Variants in ITSN1 observed in about 807,000 individuals in gnomAD.
The protein encoded by ITSN1 is intersectin 1.
Under a neutral mutation model 239.8 loss-of-function variants are expected in ITSN1, and 58 were observed. That is an observed-to-expected ratio of 0.24 (90% confidence interval 0.20 to 0.30). The LOEUF (loss-of-function observed/expected upper bound fraction) is 0.30, where lower values mean the gene tolerates loss of function less well. Ranked by LOEUF, ITSN1 falls within the 10% of genes least tolerant of loss-of-function variation. ITSN1 has a pLI of 1.00. For synonymous variants in ITSN1, 780 were observed against 770.8 expected, an observed-to-expected ratio of 1.01 and a Z score of -0.20; for missense variants, 1,558 against 2,103.3, an observed-to-expected ratio of 0.74 and a Z score of 5.07.
At position 33,889,777 on chromosome 21, in the gene ITSN1, A is replaced by G. The variant is rs1435565512; in HGVS notation, c.*1477A>G. ...ATCAAAGTGCTTTCTAAATGATAGC[A>G]TCAGCGTTGTGGCAGAGTACCTCCT... On this transcript the variant is annotated 3_prime_UTR_variant, in exon 40 of 40. Transcript: ENST00000381318. 1 of 152,210 alleles carries G rather than the reference A, an allele frequency of 6.6e-6. No homozygotes were observed. The highest frequency in any genetic ancestry group is 1.5e-5 in the Non-Finnish European group (1 of 68,046). 9.4% of individuals were successfully genotyped at this position (152,210 alleles called of 1,614,324 possible).
intron 29 of ITSN1, among the ~76,000 whole-genome samples, 196 bp from the exon 30 acceptor site, chr21:33,856,540 T>C (rs1192384618): frequency 6.6e-6 from 1 of 152,200 alleles, no homozygotes; most frequent in Non-Finnish European, 1.5e-5. Flanking sequence ...GAAAAGACTA[T>C]TTCCAAATAA....
At chr21:33,726,614 C>T (rs752737273) in intron 4 of ITSN1, among the ~76,000 whole-genome samples, 14 of 152,124 alleles carry the variant, frequency 9.2e-5, no homozygotes, top group South Asian at 2.1e-4. Flanking sequence ...AACAATCCTC[C>T]GGACTCAAAC....
At chr21:33,656,628 A>G (rs960968846) in intron 1 of ITSN1, among the ~76,000 whole-genome samples, 1 of 151,872 alleles carries the variant, frequency 6.6e-6, no homozygotes, top group Non-Finnish European at 1.5e-5. Flanking sequence ...CTCTACCTCC[A>G]GGGTTCAAAC....
chr21:33,750,176 C>T lies in ITSN1; in HGVS notation c.380C>T (p.Thr127Ile), dbSNP rs749601675. ...MGGIASMPPL[T>I]AVAPVPMGSI... The stretch of plus-strand genomic sequence containing the variant: ...GGTATCGCCAGCATGCCACCGCTTA[C>T]AGCTGTTGCTCCAGTGCCAATGGGA... The change falls in exon 6 of 40, where the codon ACA becomes ATA. Residue 127 changes from threonine to isoleucine, a missense_variant. Around this residue, in one of 2 missense-constraint regions of ITSN1, gnomAD observed 982 missense variants for 1,209.9 expected, o/e 0.81. Coordinates refer to ENST00000381318, the MANE Select transcript of ITSN1 (RefSeq NM_003024.3). 1.9e-6 allele frequency: 3 copies of T among 1,614,152 alleles called. No individual in the cohort carries two copies. The highest frequency in any genetic ancestry group is 4.5e-5 in the East Asian group (2 of 44,878).
At chr21:33,793,777 C>A (rs2071329293) in intron 16 of ITSN1, among the ~76,000 whole-genome samples, 1 of 152,120 alleles carries the variant, frequency 6.6e-6, no homozygotes, top group South Asian at 2.1e-4. Flanking sequence ...AGAAAAGATG[C>A]TCTGGAAGAG....
chr21:33,817,428 C>G, intron 22 of ITSN1: 2 of 1,304,460 alleles, frequency 1.5e-6, no homozygotes, highest in Non-Finnish European at 2.0e-6. Context: ...ATGCTGCCCC[C>G]TCTGTGAAAT....
At chr21:33,740,625 G>A (rs985633351) in intron 5 of ITSN1, among the ~76,000 whole-genome samples, 4 of 152,216 alleles carry the variant, frequency 2.6e-5, no homozygotes, top group African/African-American at 9.6e-5. Context: ...GAAGAGGGGA[G>A]AGAATTTCAA....
At chr21:33,821,744 C>G (rs1463866771) in intron 24 of ITSN1, among the ~76,000 whole-genome samples, 1 of 152,140 alleles carries the variant, frequency 6.6e-6, no homozygotes, top group Non-Finnish European at 1.5e-5. Flanking sequence ...GTTTCTTAAG[C>G]ATTTGGAAAG....
intron 24 of ITSN1, among the ~76,000 whole-genome samples, chr21:33,820,044 T>C (rs914756321): frequency 1.3e-5 from 2 of 152,088 alleles, no homozygotes; most frequent in Non-Finnish European, 2.9e-5. Flanking sequence ...AGAGTTCTCA[T>C]AGTAACATGA....
Position 33,810,975 on chromosome 21 carries a change from G to GTGGA in ITSN1, c.2323_2326dup (p.Glu776GlyfsTer2). On this transcript the variant is annotated frameshift_variant and splice_region_variant, in exon 21 of 40. Transcript: ENST00000381318. LOFTEE classifies it high-confidence loss of function. The stretch of plus-strand genomic sequence containing the variant: ...CTTAAAGCTGTGACTTTTTCCACAG[G>GTGGA]TGGATGAAAGCCAAACTGGAGAACC... The GTGGA allele has an allele frequency of 6.2e-7, 1 of 1,614,184 alleles. No homozygotes were observed. The highest frequency in any genetic ancestry group is 8.5e-7 in the Non-Finnish European group (1 of 1,180,042).
intron 1 of ITSN1, among the ~76,000 whole-genome samples, chr21:33,717,824 C>T (rs542607360): frequency 6.6e-6 from 1 of 152,162 alleles, no homozygotes; most frequent in Non-Finnish European, 1.5e-5. Context: ...GCCTTGGCCT[C>T]CCAAAGTTCT....
Position 33,689,764 on chromosome 21 carries a change from T to A in ITSN1, c.-32-29033T>A, listed in dbSNP as rs148162751. Among the ~76,000 whole-genome samples the A allele has an allele frequency of 8.6e-4, 131 of 152,098 alleles. No homozygotes were observed. In the East Asian group the frequency reaches 0.02, roughly 24 times the overall value. On this transcript the variant is annotated intron_variant, in intron 1 of 39. Transcript: ENST00000381318. ...CGGTGGATCACCTGAGGTCAGGAGT[T>A]CAAGACCAACCTGGCCAACATAGTG... is the stretch of plus-strand genomic sequence containing the variant.
Position 33,742,333 on chromosome 21 carries a change from G to A in ITSN1, c.346+7129G>A, listed in dbSNP as rs1000673949. 5.3e-5 allele frequency among the ~76,000 whole-genome samples: 8 copies of A among 152,190 alleles called. No homozygotes were observed. The East Asian group carries it at 7.7e-4, about 15-fold the overall frequency. On this transcript the variant is annotated intron_variant, in intron 5 of 39. Coordinates refer to ENST00000381318, the MANE Select transcript of ITSN1 (RefSeq NM_003024.3). Reference sequence around the variant, plus strand: ...GCCTCCCAAAGTGCTGGGATTACAGGCGTGAGCCACCGCGCCTGGCCCTAT... The same window carrying A: ...GCCTCCCAAAGTGCTGGGATTACAGACGTGAGCCACCGCGCCTGGCCCTAT...
intron 14 of ITSN1, among the ~76,000 whole-genome samples, chr21:33,781,216 G>A (rs550073095): frequency 4.5e-4 from 68 of 152,146 alleles, no homozygotes; most frequent in African/African-American, 1.5e-3. Flanking sequence ...ATAAATATCC[G>A]GTAAGTCAAC....
chr21:33,669,442 G>GTTT (rs34272483), intron 1 of ITSN1, among the ~76,000 whole-genome samples: 9 of 139,870 alleles, frequency 6.4e-5, no homozygotes, highest in Admixed American at 1.4e-4. Flanking sequence ...TTTCATTTAA[G>GTTT]TTTTTTTTTT....
At chr21:33,648,914 G>A (rs1242078568) in intron 1 of ITSN1, among the ~76,000 whole-genome samples, 1 of 151,830 alleles carries the variant, frequency 6.6e-6, no homozygotes, top group African/African-American at 2.4e-5. Flanking sequence ...AAAGAGGAGA[G>A]AGAGAAAAAT....
chr21:33,775,032 G>C lies in ITSN1; in HGVS notation c.1520G>C (p.Arg507Thr). 1 of 1,614,012 alleles carries C rather than the reference G, an allele frequency of 6.2e-7. No individual in the cohort carries two copies. The highest frequency in any genetic ancestry group is 8.5e-7 in the Non-Finnish European group (1 of 1,179,942). Residue 507 changes from arginine to threonine, a missense_variant, in exon 14 of 40, where the codon AGG becomes ACG. Arg to Thr is a moderately conservative substitution (Grantham distance 71, BLOSUM62 -1). Around this residue, in one of 2 missense-constraint regions of ITSN1, gnomAD observed 982 missense variants for 1,209.9 expected, o/e 0.81. Transcript: ENST00000381318. ...QDIRCRLTTQRQEIESTNKSR... is the reference protein window; with the variant it reads ...QDIRCRLTTQTQEIESTNKSR... ...ATCAGATGTCGATTGACCACCCAAA[G>C]GCAAGAAATTGAGAGCACAAACAAA...
intron 8 of ITSN1, among the ~76,000 whole-genome samples, chr21:33,757,230 A>G (rs552856010): frequency 1.5e-4 from 23 of 152,082 alleles, no homozygotes; most frequent in Non-Finnish European, 2.8e-4. Context: ...TTCAATTGAG[A>G]CATTGATTGA....
intron 31 of ITSN1, among the ~76,000 whole-genome samples, chr21:33,860,221 C>T (rs1980213467): frequency 1.3e-5 from 2 of 150,724 alleles, no homozygotes; most frequent in Admixed American, 6.6e-5. Context: ...GCAGAAGAAT[C>T]GCTTGAACCC....
Sources: gnomAD v4.1 joint callset for allele counts (sites outside exome capture counted in the v4.1 genomes callset) on GRCh38, gnomAD v4.1.1 for gene constraint, gnomAD v4.1.1 regional missense constraint, MANE v1.5 for transcripts, NCBI Gene and HGNC (gene_info 2026-07-23, HGNC 2026-07-21) for gene names.